Variants in TIAM1 observed in about 807,000 individuals in gnomAD.
TIAM1 encodes rho guanine nucleotide exchange factor TIAM1.
A neutral mutation model predicts 163.5 loss-of-function variants in TIAM1; 65 were observed. That is an observed-to-expected ratio of 0.40 (90% CI 0.33 to 0.49). TIAM1 has a LOEUF of 0.49. Ranked by LOEUF, TIAM1 falls within the 20% of genes least tolerant of loss-of-function variation. The probability of loss-of-function intolerance (pLI) is 0.77; values close to 1 mark genes in which losing one functional copy is unlikely to be tolerated. For synonymous variants in TIAM1, 833 were observed against 810.1 expected, an observed-to-expected ratio of 1.03 and a Z score of -0.48; for missense variants, 1,789 against 2,044.7, an observed-to-expected ratio of 0.87 and a Z score of 2.41.
At chr21:31,320,463 T>A (rs1243126476) in intron 2 of TIAM1, among the ~76,000 whole-genome samples, 3 of 152,056 alleles carry the variant, frequency 2.0e-5, no homozygotes, top group East Asian at 1.9e-4. Context: ...ATGCAAAAAA[T>A]TCACTTTACA....
chr21:31,347,818 A>G (rs542755285), upstream of TIAM1, among the ~76,000 whole-genome samples: 4 of 143,342 alleles, frequency 2.8e-5, no homozygotes, highest in South Asian at 8.3e-4. Flanking sequence ...AACTTTATGC[A>G]CGAACGTTCA....
intron 2 of TIAM1, among the ~76,000 whole-genome samples, chr21:31,421,412 C>A (rs2043566394): frequency 6.6e-6 from 1 of 152,158 alleles, no homozygotes; most frequent in African/African-American, 2.4e-5. Context: ...AGGAGCTGGG[C>A]CACACAGCAG....
intron 1 of TIAM1, among the ~76,000 whole-genome samples, chr21:31,474,728 A>G (rs1362434492): frequency 6.6e-6 from 1 of 151,914 alleles, no homozygotes; most frequent in East Asian, 1.9e-4. Flanking sequence ...TATTTTTAGT[A>G]GAGACGGGGT....
chr21:31,330,190 G>A (rs143024877), intron 2 of TIAM1, among the ~76,000 whole-genome samples: 1 of 152,230 alleles, frequency 6.6e-6, no homozygotes, highest in Non-Finnish European at 1.5e-5. Context: ...TGTGTGCCCT[G>A]CCTGTTCATC....
At chr21:31,373,975 C>A (rs991242295) in intron 2 of TIAM1, among the ~76,000 whole-genome samples, 2 of 152,032 alleles carry the variant, frequency 1.3e-5, no homozygotes, top group African/African-American at 4.8e-5. Flanking sequence ...CAAGCACAGC[C>A]CCAACCAAGG....
chr21:31,540,180 G>A (rs2123269135), intron 1 of TIAM1, among the ~76,000 whole-genome samples: 1 of 152,192 alleles, frequency 6.6e-6, no homozygotes, highest in Non-Finnish European at 1.5e-5. Context: ...GAGGTCGGGA[G>A]TTCAAGTCTA....
At chr21:31,529,127 G>A (rs1346774844) in intron 1 of TIAM1, among the ~76,000 whole-genome samples, 4 of 151,662 alleles carry the variant, frequency 2.6e-5, no homozygotes, top group African/African-American at 7.3e-5. Context: ...CACCGTGTTA[G>A]CCAGGATGGT....
At chr21:31,341,141 T>TCATTATTAAATGCCTACTTTGTGC (rs1436434298) in intron 1 of TIAM1, among the ~76,000 whole-genome samples, 13 of 152,260 alleles carry the variant, frequency 8.5e-5, no homozygotes, top group African/African-American at 2.2e-4. Flanking sequence ...ACACTAAGTG[T>TCATTATTAAATGCCTACTTTGTGC]CACTATTAAA....
chr21:31,506,911 T>C (rs2047048004), intron 1 of TIAM1, among the ~76,000 whole-genome samples: 1 of 152,190 alleles, frequency 6.6e-6, no homozygotes, highest in African/African-American at 2.4e-5. Context: ...AGGGAGACCC[T>C]GTCTCAAACA....
At position 31,265,906 on chromosome 21, in the gene TIAM1, G is replaced by T. The variant is rs1316537150; in HGVS notation, c.963+104C>A. The T allele has an allele frequency of 2.7e-6, 4 of 1,483,974 alleles. No homozygotes were observed. The Admixed American group carries it at 6.2e-5, about 23-fold the overall frequency. 91.9% of individuals were successfully genotyped at this position (1,483,974 alleles called of 1,614,324 possible). On this transcript the variant is annotated intron_variant, in intron 4 of 27. Transcript: ENST00000541036. ...GCTGCAGCAACTACCAGGCAAACAGGGTAAAACCCGATTAAAAGATGGAAA... is the reference window on the plus strand; with the variant it reads ...GCTGCAGCAACTACCAGGCAAACAGTGTAAAACCCGATTAAAAGATGGAAA...
chr21:31,386,503 G>C (rs1316964925), intron 2 of TIAM1, among the ~76,000 whole-genome samples: 1 of 152,170 alleles, frequency 6.6e-6, no homozygotes, highest in African/African-American at 2.4e-5. Context: ...GAGGTAAGTG[G>C]CTACCTGGAG....
rs775775144 is a variant in TIAM1 at position 31,210,092 on chromosome 21, C to T, written c.2341G>A (p.Val781Ile). 2.0e-5 allele frequency: 33 copies of T among 1,613,982 alleles called. 1 individual carries two copies. Among genetic ancestry groups the T allele is most frequent in the Admixed American group, 5.0e-5 (3 of 60,000 alleles). Residue 781 changes from valine (V) to isoleucine (I), a missense_variant, in exon 11 of 28, where the codon GTC (valine) becomes ATC (isoleucine). Val to Ile is a conservative substitution (Grantham distance 29). This residue lies in a region of TIAM1 where 456 missense variants were observed against 586.6 expected (regional missense o/e 0.78). Coordinates refer to ENST00000541036, the MANE Select transcript of TIAM1 (RefSeq NM_001353694.2). ...LPNNQPALTV[V>I]RPGDTARDTL... ...TCCCGTGCAGTGTCGCCTGGCCGGA[C>T]GACCGTCAGGGCAGGCTGATTATTG...
intron 2 of TIAM1, among the ~76,000 whole-genome samples, chr21:31,305,856 C>CT (rs1336593139): frequency 6.6e-6 from 1 of 152,088 alleles, no homozygotes; most frequent in East Asian, 1.9e-4. Flanking sequence ...ACAAGATATA[C>CT]TTTTTTTAAA....
intron 13 of TIAM1, among the ~76,000 whole-genome samples, chr21:31,190,271 A>G (rs2085491351): frequency 6.6e-6 from 1 of 152,068 alleles, no homozygotes; most frequent in Admixed American, 6.6e-5. Flanking sequence ...TTAGCTGGGC[A>G]TGGTGGCACG....
At chr21:31,438,179 C>CTTTTTTTTTTTTTTTTTTTTT (rs34844399) in intron 2 of TIAM1, among the ~76,000 whole-genome samples, 1 of 62,686 alleles carries the variant, frequency 1.6e-5, no homozygotes, top group Admixed American at 1.9e-4. Context: ...TATTTGTGAT[C>CTTTTTTTTTTTTTTTTTTTTT]TTTTTTTTTT....
chr21:31,189,681 T>C (rs534938297), intron 13 of TIAM1, among the ~76,000 whole-genome samples: 22 of 152,232 alleles, frequency 1.4e-4, no homozygotes, highest in African/African-American at 5.3e-4. Context: ...CCCCTTTCAC[T>C]GTTCCAGGTA....
intron 17 of TIAM1, among the ~76,000 whole-genome samples, chr21:31,153,382 A>G (rs1180943535): frequency 6.6e-6 from 1 of 152,130 alleles, no homozygotes; most frequent in Non-Finnish European, 1.5e-5. Flanking sequence ...AACTTCTTCA[A>G]CTGTAGCACC....
At chr21:31,423,700 T>TA (rs200137644) in intron 2 of TIAM1, among the ~76,000 whole-genome samples, 999 of 48,224 alleles carry the variant, frequency 0.021, 42 homozygotes, top group African/African-American at 0.027. Flanking sequence ...TAGAAAGTTG[T>TA]AAAAAAAAAA....
At chr21:31,498,806 C>T (rs62221328) in intron 1 of TIAM1, among the ~76,000 whole-genome samples, 40 of 152,068 alleles carry the variant, frequency 2.6e-4, no homozygotes, top group African/African-American at 9.4e-4. Context: ...ATTAGCCAGG[C>T]GTGATGGCGG....
Sources: gnomAD v4.1 joint callset for allele counts (sites outside exome capture counted in the v4.1 genomes callset) on GRCh38, gnomAD v4.1.1 for gene constraint, gnomAD v4.1.1 regional missense constraint, MANE v1.5 for transcripts, NCBI Gene and HGNC (gene_info 2026-07-23, HGNC 2026-07-21) for gene names.